NTM: variants seen among roughly 807,000 people sequenced by gnomAD.
The protein encoded by NTM is IgLON family member 2.
A neutral mutation model predicts 42.1 loss-of-function variants in NTM; 13 were observed. The ratio of observed to expected loss-of-function variants is 0.31; its 90% CI spans 0.20 to 0.49. The LOEUF is 0.49. Ranked by LOEUF, NTM falls within the 20% of genes least tolerant of loss-of-function variation. NTM has a pLI of 0.99. For synonymous variants in NTM, 187 were observed against 179.2 expected (o/e 1.04, Z -0.35); for missense variants, 373 against 452.8 (o/e 0.82, Z 1.60).
At chr11:131,897,605 A>G (rs2052507109) in intron 1 of NTM, among the ~76,000 whole-genome samples, 1 of 152,250 alleles carries the variant, frequency 6.6e-6, no homozygotes, top group Non-Finnish European at 1.5e-5. Context: ...ATGGGAAATT[A>G]TAAGCAGAAA....
intron 4 of NTM, among the ~76,000 whole-genome samples, chr11:132,271,572 T>C (rs2093478947): frequency 1.3e-5 from 2 of 152,148 alleles, no homozygotes. Context: ...TATCCATCTT[T>C]TTTATTATAG....
chr11:131,549,757 C>G (rs1006035225), intron 1 of NTM, among the ~76,000 whole-genome samples: 1 of 152,006 alleles, frequency 6.6e-6, no homozygotes, highest in African/African-American at 2.4e-5. Flanking sequence ...TTACATGCAG[C>G]CTTTAAAAGA....
chr11:131,623,744 G>A (rs1326948914), intron 1 of NTM, among the ~76,000 whole-genome samples: 1 of 152,226 alleles, frequency 6.6e-6, no homozygotes, highest in African/African-American at 2.4e-5. Flanking sequence ...CCTCCCTTGG[G>A]AGGAAGCACA....
At position 132,130,928 on chromosome 11, in the gene NTM, C is replaced by G. The variant is rs138903402; in HGVS notation, c.168-15354C>G. Reference sequence around the variant, plus strand: ...GTGACTTGCCCACGATCACACATTTCATAGCCTCAGATCTGGGATTTGAGA... The same window carrying G: ...GTGACTTGCCCACGATCACACATTTGATAGCCTCAGATCTGGGATTTGAGA... On this transcript the variant is annotated intron_variant, in intron 2 of 8. Transcript: ENST00000683400. Among the ~76,000 whole-genome samples the G allele has an allele frequency of 3.2e-3, 482 of 152,334 alleles. 4 individuals are homozygous for G. The highest frequency in any genetic ancestry group is 9.2e-3 in the African/African-American group (381 of 41,572).
In NTM at chr11:131,446,085, C is replaced by T. The variant is rs188275543; in HGVS notation, c.82+75197C>T. Among the ~76,000 whole-genome samples, 69 of 152,316 alleles carry T rather than the reference C, an allele frequency of 4.5e-4. 1 individual carries two copies. The highest frequency in any genetic ancestry group is 3.4e-3 in the Middle Eastern group (1 of 294). ...TTCTGCAGAGTTTTCAAATATCCAA[C>T]TTAAGACATCACACGTCTTAAGTCC... On this transcript the variant is annotated intron_variant, in intron 1 of 8. Transcript: ENST00000683400.
At chr11:132,144,969 G>A (rs1473485541) in intron 2 of NTM, among the ~76,000 whole-genome samples, 1 of 152,222 alleles carries the variant, frequency 6.6e-6, no homozygotes, top group East Asian at 1.9e-4. Context: ...AGTACAGGAT[G>A]TCTCATGGGG....
At chr11:132,073,294 G>A (rs1394275458) in intron 2 of NTM, among the ~76,000 whole-genome samples, 4 of 152,138 alleles carry the variant, frequency 2.6e-5, no homozygotes, top group South Asian at 2.1e-4. Context: ...CTGGACCTCA[G>A]TTTATCCAAC....
intron 4 of NTM, among the ~76,000 whole-genome samples, chr11:132,291,278 A>G (rs553103738): frequency 6.6e-6 from 1 of 152,332 alleles, no homozygotes; most frequent in Admixed American, 6.5e-5. Context: ...GGTAGAATTA[A>G]TAAGACTTGG....
intron 2 of NTM, among the ~76,000 whole-genome samples, chr11:132,070,726 G>A (rs1274193362): frequency 5.6e-5 from 8 of 143,422 alleles, no homozygotes; most frequent in Non-Finnish European, 1.1e-4. Context: ...ACGTCACACA[G>A]CCAAGTTAAC....
chr11:131,868,460 G>A (rs1054411960), intron 1 of NTM, among the ~76,000 whole-genome samples: 3 of 152,196 alleles, frequency 2.0e-5, no homozygotes, highest in Non-Finnish European at 4.4e-5. Flanking sequence ...TTCCAGCCCA[G>A]CTCTGATTGT....
intron 1 of NTM, among the ~76,000 whole-genome samples, chr11:131,744,988 G>C (rs1481219072): frequency 6.6e-6 from 1 of 152,226 alleles, no homozygotes; most frequent in Non-Finnish European, 1.5e-5. Flanking sequence ...TGACGCAGAA[G>C]GGTTAGACAG....
At position 132,146,546 on chromosome 11, in the gene NTM, G is replaced by T. The variant is rs763814860; in HGVS notation, c.400+32G>T. ...GGGCGGGGCTTGGCGGGGAGATCTG[G>T]CTGGCCAGCCTGGAAAGCCTTCAGG... On this transcript the variant is annotated intron_variant, in intron 3 of 8. Transcript: ENST00000683400. The surrounding 1 kb of genome is among the most constrained non-coding windows in gnomAD (Gnocchi z 4.5). 8 of 1,606,856 alleles carry T rather than the reference G, an allele frequency of 5.0e-6. No individual in the cohort carries two copies. In the African/African-American group the frequency reaches 1.1e-4, roughly 21 times the overall value.
intron 1 of NTM, among the ~76,000 whole-genome samples, chr11:131,581,578 T>C (rs1485969194): frequency 1.3e-5 from 2 of 152,104 alleles, no homozygotes; most frequent in Non-Finnish European, 1.5e-5. Context: ...GGGTACTTTA[T>C]AGAGTTCAGA....
At chr11:131,611,436 G>A (rs2061456979) in intron 1 of NTM, among the ~76,000 whole-genome samples, 1 of 152,210 alleles carries the variant, frequency 6.6e-6, no homozygotes, top group African/African-American at 2.4e-5. Context: ...GAACATGAAT[G>A]TGGTAATTAC....
At chr11:131,789,955 C>CAA (rs36050979) in intron 1 of NTM, among the ~76,000 whole-genome samples, 909 of 20,300 alleles carry the variant, frequency 0.045, 200 homozygotes, top group Non-Finnish European at 0.051. Flanking sequence ...GACTCCGTCT[C>CAA]AAAAAAAAAA....
chr11:132,156,276 A>G (rs781263483), intron 3 of NTM, among the ~76,000 whole-genome samples: 1 of 152,050 alleles, frequency 6.6e-6, no homozygotes, highest in Non-Finnish European at 1.5e-5. Flanking sequence ...CACTATTTTC[A>G]TTCTAGTGTA....
intron 1 of NTM, among the ~76,000 whole-genome samples, chr11:131,673,446 C>A (rs1276927421): frequency 6.6e-6 from 1 of 152,214 alleles, no homozygotes; most frequent in Non-Finnish European, 1.5e-5. Flanking sequence ...GTAAGAACTG[C>A]AAATTGTGTC....
At chr11:131,858,040 C>T (rs114261196) in intron 1 of NTM, among the ~76,000 whole-genome samples, 97 of 152,090 alleles carry the variant, frequency 6.4e-4, no homozygotes, top group African/African-American at 2.3e-3. Context: ...GCCTCCGCCC[C>T]GCCCATGCCT....
chr11:132,198,340 G>A (rs2080615123), intron 3 of NTM, among the ~76,000 whole-genome samples: 1 of 152,102 alleles, frequency 6.6e-6, no homozygotes. Context: ...GGATCTACAG[G>A]ATCATGCCAG....
Sources: allele counts gnomAD v4.1 joint callset (sites outside exome capture counted in the v4.1 genomes callset), GRCh38; gene constraint gnomAD v4.1.1; non-coding constraint Gnocchi (gnomAD v3.1); transcripts MANE v1.5; gene names NCBI Gene and HGNC (gene_info 2026-07-23, HGNC 2026-07-21).